NLRC5: variants seen among roughly 807,000 people sequenced by gnomAD.
The protein encoded by NLRC5 is NLR family CARD domain containing 5.
In NLRC5, 114 loss-of-function variants were observed where a neutral mutation model predicts 206.9. That is an observed-to-expected ratio of 0.55 (90% CI 0.47 to 0.64). The LOEUF is 0.64. Among genes scored for constraint, NLRC5 ranks in the 30% least tolerant of loss-of-function variants. The probability of loss-of-function intolerance (pLI) is 0.00; values close to 1 mark genes in which losing one functional copy is unlikely to be tolerated. For synonymous variants in NLRC5, 952 were observed against 962.8 expected (o/e 0.99, Z 0.21); for missense variants, 2,008 against 2,305.5 (o/e 0.87, Z 2.64).
In NLRC5 at chr16:57,065,239, C is replaced by T; in HGVS notation, c.4182C>T (p.Ala1394=). The change falls in exon 33 of 49, where the codon GCC becomes GCT. Residue 1394 remains alanine (A), a synonymous_variant. Coordinates refer to ENST00000688547, the MANE Select transcript of NLRC5 (RefSeq NM_001384950.1). The part of the protein sequence containing the change: ...LRVQEPWADR[A]RVLSLLEVCA... ...TGCAGGAGCCGTGGGCGGACAGAGC[C>T]AGGGTTCTCTCCCTGTTAGAAGTCT... 2 of 1,579,440 alleles carry T rather than the reference C, an allele frequency of 1.3e-6. No individual in the cohort carries two copies. The highest frequency in any genetic ancestry group is 1.7e-6 in the Non-Finnish European group (2 of 1,159,838).
chr16:57,013,710 G>T (rs750516810), intron 1 of NLRC5: 4 of 764,290 alleles, frequency 5.2e-6, no homozygotes, highest in Non-Finnish European at 9.5e-6. Context: ...TGCTCCTTTG[G>T]TGGTTGTGCC....
At position 57,030,057 on chromosome 16, in the gene NLRC5, G is replaced by A; in HGVS notation, c.2390G>A (p.Cys797Tyr). Residue 797 changes from cysteine (C) to tyrosine (Y), a missense_variant, in exon 10 of 49, where the codon TGT becomes TAT. Physicochemically the swap from Cys to Tyr is radical, Grantham distance 194. Coordinates refer to ENST00000688547, the MANE Select transcript of NLRC5 (RefSeq NM_001384950.1). ...LLCLARVAVT[C>Y]PTVRMLQARE... ...TGCTTGGCAAGGGTGGCAGTCACGTGTCCTACCGTCAGGATGCTTCAGGCC... is the reference window on the plus strand; with the variant it reads ...TGCTTGGCAAGGGTGGCAGTCACGTATCCTACCGTCAGGATGCTTCAGGCC... 1 of 1,614,156 alleles carries A rather than the reference G, an allele frequency of 6.2e-7. No individual in the cohort carries two copies. The highest frequency in any genetic ancestry group is 1.1e-5 in the South Asian group (1 of 91,078).
chr16:57,040,404 C>T (rs1444898651), intron 16 of NLRC5, among the ~76,000 whole-genome samples: 1 of 152,192 alleles, frequency 6.6e-6, no homozygotes, highest in Non-Finnish European at 1.5e-5. Context: ...CAGTCAAGGT[C>T]AATTGAGTAC....
intron 15 of NLRC5, among the ~76,000 whole-genome samples, chr16:57,037,656 C>T (rs2062769688): frequency 6.6e-6 from 1 of 152,206 alleles, no homozygotes; most frequent in Non-Finnish European, 1.5e-5. Flanking sequence ...TGGCTTCCCT[C>T]AGTCCCTTAC....
At chr16:56,996,506 T>C (rs77608754) in intron 1 of NLRC5, among the ~76,000 whole-genome samples, 2,030 of 152,202 alleles carry the variant, frequency 0.013, 39 homozygotes, top group African/African-American at 0.047. Context: ...TTTTCGATGA[T>C]ACCTTCAGTT....
chr16:57,014,534 G>C (rs1481001958), intron 1 of NLRC5, among the ~76,000 whole-genome samples: 1 of 152,148 alleles, frequency 6.6e-6, no homozygotes. Flanking sequence ...AAATATTTAA[G>C]GCATATAAAT....
intron 28 of NLRC5, 151 bp from the exon 29 acceptor site, chr16:57,058,820 TG>T (rs1223951294): frequency 4.2e-6 from 3 of 722,008 alleles, no homozygotes; most frequent in East Asian, 5.0e-5. Flanking sequence ...GGTATCCTTC[TG>T]GGCCTCAGTG....
rs532601897 is a variant in NLRC5 at position 57,006,038 on chromosome 16, C to T, written c.-127-11036C>T. On this transcript the variant is annotated intron_variant, in intron 1 of 48. Coordinates refer to ENST00000688547, the MANE Select transcript of NLRC5 (RefSeq NM_001384950.1). ...TTTGAGACAGGGTCTCACTCTGTCA[C>T]CCAGGCTGGAGTGCAGGGATGCAAT... Among the ~76,000 whole-genome samples, 4 of 151,848 alleles carry T rather than the reference C, an allele frequency of 2.6e-5. No homozygotes were observed. In the South Asian group the frequency reaches 8.3e-4, roughly 32 times the overall value.
chr16:57,033,652 C>G lies in NLRC5; in HGVS notation c.2526C>G (p.Ser842Arg). The part of the protein sequence containing the change: ...ESDGQRKGAQ[S>R]RSLTLRLQKC... ...ACGGCCAGAGGAAAGGGGCTCAGAG[C>G]AGAAGCTTGACGCTCAGGTACCTTG... Residue 842 changes from serine to arginine, a missense_variant, in exon 12 of 49, where the codon AGC becomes AGG. Transcript: ENST00000688547. 1 of 1,614,038 alleles carries G rather than the reference C, an allele frequency of 6.2e-7. No individual in the cohort carries two copies. The highest frequency in any genetic ancestry group is 1.1e-5 in the South Asian group (1 of 91,082).
Position 57,042,001 on chromosome 16 carries a change from G to T in NLRC5, c.3049G>T (p.Gly1017Trp). Residue 1017 changes from glycine to tryptophan, a missense_variant, in exon 19 of 49, where the codon GGG becomes TGG. Transcript: ENST00000688547. ...CCCCAGCTTCTCAGGCAATGCTCTG[G>T]GGGATGAAGGTGCAGCCCGGCTGGC... ...LHLDFSGNAL[G>W]DEGAARLAQL... The T allele has an allele frequency of 6.3e-7, 1 of 1,580,940 alleles. No homozygotes were observed. Among genetic ancestry groups the T allele is most frequent in the Admixed American group, 1.9e-5 (1 of 51,680 alleles).
chr16:57,029,806 GC>G lies in NLRC5; in HGVS notation c.2278del (p.Leu760Ter), dbSNP rs2061606040. On this transcript the variant is annotated frameshift_variant, in exon 9 of 49. Coordinates refer to ENST00000688547, the MANE Select transcript of NLRC5 (RefSeq NM_001384950.1). LOFTEE classifies it high-confidence loss of function. The stretch of plus-strand genomic sequence containing the variant: ...ACAACCAGCTCAGTGACCAGGTGGT[GC>G]TGAACATTGTGGAGGTTCTCCCTCA... ...RDNQLSDQVV[L>X]NIVEVLPHLP... 1.2e-6 allele frequency: 2 copies of G among 1,614,052 alleles called. No individual in the cohort carries two copies. The highest frequency in any genetic ancestry group is 3.3e-5 in the Admixed American group (2 of 59,998).
chr16:56,998,249 A>C (rs2057861960), intron 1 of NLRC5, among the ~76,000 whole-genome samples: 1 of 151,618 alleles, frequency 6.6e-6, no homozygotes, highest in African/African-American at 2.4e-5. Flanking sequence ...CCACACAAGT[A>C]AGACACGAAT....
intron 25 of NLRC5, 84 bp from the exon 26 acceptor site, chr16:57,054,948 G>T: frequency 6.3e-7 from 1 of 1,592,630 alleles, no homozygotes; most frequent in Non-Finnish European, 8.6e-7. Flanking sequence ...TAGAGGCTGG[G>T]CTTCCGGAGG....
intron 38 of NLRC5, among the ~76,000 whole-genome samples, chr16:57,072,922 G>A (rs1249969560): frequency 4.6e-5 from 7 of 152,088 alleles, no homozygotes; most frequent in Non-Finnish European, 8.8e-5. Flanking sequence ...TTGTCCTGGG[G>A]AGAGGATCAG....
In NLRC5 at chr16:56,989,607, G is replaced by C. The variant is rs753529257; in HGVS notation, c.-138G>C. ...CGCGAGCGCTGAGGGTGAGTGCCGGGAGCTCTGAGGGTGAGTGCCGGGCGT... is the reference window on the plus strand; with the variant it reads ...CGCGAGCGCTGAGGGTGAGTGCCGGCAGCTCTGAGGGTGAGTGCCGGGCGT... On this transcript the variant is annotated 5_prime_UTR_variant, in exon 1 of 49. Coordinates refer to ENST00000688547, the MANE Select transcript of NLRC5 (RefSeq NM_001384950.1). 2 of 153,304 alleles carry C rather than the reference G, an allele frequency of 1.3e-5. No homozygotes were observed. The highest frequency in any genetic ancestry group is 4.8e-5 in the African/African-American group (2 of 41,440). The allele number at this position is 153,304 out of a possible 1,614,324, so 9.5% of individuals were successfully genotyped here.
intron 46 of NLRC5, among the ~76,000 whole-genome samples, chr16:57,080,441 A>G (rs2068984503): frequency 6.6e-6 from 1 of 150,462 alleles, no homozygotes; most frequent in Non-Finnish European, 1.5e-5. Flanking sequence ...CTGTAACACA[A>G]GTTTTCCATT....
chr16:57,064,041 A>G (rs1241094074), intron 32 of NLRC5, among the ~76,000 whole-genome samples: 6 of 151,914 alleles, frequency 3.9e-5, no homozygotes, highest in African/African-American at 7.2e-5. Context: ...CCCAGCCAAA[A>G]TAACATTTTC....
At chr16:57,059,332 G>C (rs1204241105) in intron 29 of NLRC5, 135 bp from the exon 30 acceptor site, 2 of 1,479,448 alleles carry the variant, frequency 1.4e-6, no homozygotes, top group Non-Finnish European at 1.8e-6. Flanking sequence ...GGTCTCCTCT[G>C]GTTCTGAGGC....
intron 14 of NLRC5, among the ~76,000 whole-genome samples, 192 bp from the exon 15 acceptor site, chr16:57,037,003 A>G (rs62037267): frequency 0.12 from 18,168 of 151,892 alleles, 1,263 homozygotes; most frequent in Middle Eastern, 0.18. Context: ...TATTTTCCAA[A>G]TGGGATGGGG....
Sources: gnomAD v4.1 joint callset for allele counts (sites outside exome capture counted in the v4.1 genomes callset) on GRCh38, gnomAD v4.1.1 for gene constraint, MANE v1.5 for transcripts, NCBI Gene and HGNC (gene_info 2026-07-23, HGNC 2026-07-21) for gene names.